Variants in CSMD2 observed in about 807,000 individuals in gnomAD.
CSMD2 encodes the protein CUB and Sushi multiple domains 2.
CSMD2 carries 130 observed loss-of-function variants against 398.5 expected under a neutral mutation model. The ratio of observed to expected loss-of-function variants is 0.33; its 90% confidence interval spans 0.28 to 0.38. The LOEUF is 0.38. CSMD2 is among the 10% of genes least tolerant of loss of function. CSMD2 has a pLI of 1.00. For synonymous variants in CSMD2, 1,828 were observed against 1,908.5 expected (o/e 0.96, Z 1.10); for missense variants, 3,829 against 4,764.9 (o/e 0.80, Z 5.78).
intron 4 of CSMD2, among the ~76,000 whole-genome samples, chr1:33,928,032 A>G (rs112968236): frequency 0.016 from 2,449 of 152,298 alleles, 63 homozygotes; most frequent in African/African-American, 0.055. Context: ...GGAGCCATGC[A>G]GGGGATGCCT....
intron 13 of CSMD2, among the ~76,000 whole-genome samples, chr1:33,758,907 C>T (rs116152953): frequency 7.1e-4 from 108 of 152,280 alleles, no homozygotes; most frequent in African/African-American, 2.4e-3. Flanking sequence ...CAGCCTGTGT[C>T]CCAGAACGAG....
At chr1:34,023,477 T>C (rs1434121063) in intron 3 of CSMD2, among the ~76,000 whole-genome samples, 1 of 152,162 alleles carries the variant, frequency 6.6e-6, no homozygotes, top group African/African-American at 2.4e-5. Context: ...GGTCAGGAGA[T>C]GCAAGCAATA....
chr1:33,895,940 C>CTCCT (rs1642358138), intron 5 of CSMD2, among the ~76,000 whole-genome samples: 2 of 152,250 alleles, frequency 1.3e-5, no homozygotes, highest in South Asian at 4.2e-4. Context: ...TTGACCCAGT[C>CTCCT]CCTGATGAGA....
At chr1:34,113,308 A>T (rs1481459405) in intron 1 of CSMD2, among the ~76,000 whole-genome samples, 3 of 152,220 alleles carry the variant, frequency 2.0e-5, no homozygotes, top group Non-Finnish European at 1.5e-5. Flanking sequence ...GGTGTCACAC[A>T]TGGGTGGCAG....
At chr1:34,098,157 A>T (rs375106524) in intron 1 of CSMD2, among the ~76,000 whole-genome samples, 1 of 125,668 alleles carries the variant, frequency 8.0e-6, no homozygotes, top group Non-Finnish European at 1.6e-5. Flanking sequence ...GTAAACTATC[A>T]CAAGAACAAA....
chr1:33,625,661 G>A (rs931299390), intron 33 of CSMD2, among the ~76,000 whole-genome samples: 5 of 152,100 alleles, frequency 3.3e-5, no homozygotes, highest in African/African-American at 1.2e-4. Context: ...CCTGCCTGGG[G>A]CCCTGCCCTC....
At chr1:33,985,352 C>T (rs934803575) in intron 3 of CSMD2, among the ~76,000 whole-genome samples, 1 of 152,184 alleles carries the variant, frequency 6.6e-6, no homozygotes, top group African/African-American at 2.4e-5. Context: ...GCCAGGCACA[C>T]TAATTAGTGG....
intron 8 of CSMD2, 46 bp downstream of exon 8, chr1:33,820,423 C>T: frequency 7.5e-7 from 1 of 1,341,748 alleles, no homozygotes; most frequent in Non-Finnish European, 1.1e-6. Context: ...CCCAGCCAGG[C>T]CACCCCACCC....
In CSMD2 at chr1:34,135,947, T is replaced by A. The variant is rs866953635; in HGVS notation, c.187+28964A>T. ...GGGCTTTTTTCACCATATGCTCTTC[T>A]ATGCCATTCGAATTTTTGCCCTGAG... is the stretch of plus-strand genomic sequence containing the variant. On this transcript the variant is annotated intron_variant, in intron 1 of 70. Transcript: ENST00000373381. 2.6e-5 allele frequency among the ~76,000 whole-genome samples: 4 copies of A among 152,158 alleles called. No individual in the cohort carries two copies. The South Asian group carries it at 8.3e-4, about 31-fold the overall frequency.
intron 45 of CSMD2, 94 bp downstream of exon 45, chr1:33,586,994 G>A (rs1234728924): frequency 2.2e-6 from 2 of 902,116 alleles, no homozygotes; most frequent in African/African-American, 3.3e-5. Context: ...CAGGAGCAGG[G>A]GATAAGGTCC....
intron 32 of CSMD2, among the ~76,000 whole-genome samples, chr1:33,629,027 T>A (rs555510387): frequency 6.6e-6 from 1 of 150,706 alleles, no homozygotes; most frequent in East Asian, 2.0e-4. Context: ...TTCTCATATA[T>A]GCATGGTACA....
Position 33,914,385 on chromosome 1 carries a change from AGTGTGT to A in CSMD2, c.920+3703_920+3708del, listed in dbSNP as rs72433922. 9.3e-5 allele frequency among the ~76,000 whole-genome samples: 13 copies of A among 139,804 alleles called. 1 individual carries two copies. The South Asian group carries it at 1.4e-3, about 15-fold the overall frequency. 91.7% of individuals were successfully genotyped at this position (139,804 alleles called of 152,430 possible). On this transcript the variant is annotated intron_variant, in intron 5 of 70. Coordinates refer to ENST00000373381, the MANE Select transcript of CSMD2 (RefSeq NM_001281956.2). ...AGGTATGTGTCAGAGACGATTTGGCAGTGTGTGTGTGTGTGTGTGTGTGTGTTTGTG... is the reference window on the plus strand; with the variant it reads ...AGGTATGTGTCAGAGACGATTTGGCAGTGTGTGTGTGTGTGTGTGTTTGTG...
At chr1:33,996,037 T>C (rs1646715769) in intron 3 of CSMD2, among the ~76,000 whole-genome samples, 1 of 152,150 alleles carries the variant, frequency 6.6e-6, no homozygotes, top group Non-Finnish European at 1.5e-5. Context: ...AAAGAACAAA[T>C]GTCCTAATAT....
At chr1:34,111,184 T>C (rs1290955188) in intron 1 of CSMD2, among the ~76,000 whole-genome samples, 4 of 152,220 alleles carry the variant, frequency 2.6e-5, no homozygotes, top group African/African-American at 9.6e-5. Context: ...TAATATTGGT[T>C]GAATGAATGA....
intron 2 of CSMD2, among the ~76,000 whole-genome samples, chr1:34,065,494 T>C (rs1655011861): frequency 1.3e-5 from 2 of 152,128 alleles, no homozygotes; most frequent in South Asian, 4.1e-4. Flanking sequence ...CCACCAGCCC[T>C]AAGCAGGGCC....
intron 1 of CSMD2, among the ~76,000 whole-genome samples, chr1:34,133,126 A>G (rs182769381): frequency 6.6e-6 from 1 of 152,328 alleles, no homozygotes; most frequent in East Asian, 1.9e-4. Context: ...CTGTCCTTGT[A>G]AAGTCTAGCA....
intron 3 of CSMD2, among the ~76,000 whole-genome samples, chr1:33,941,672 C>T (rs1459561046): frequency 6.6e-6 from 1 of 152,100 alleles, no homozygotes; most frequent in Non-Finnish European, 1.5e-5. Context: ...TTTACGACTC[C>T]CTTATTTTTA....
At chr1:33,582,566 C>T (rs1012661763) in intron 47 of CSMD2, among the ~76,000 whole-genome samples, 1 of 152,162 alleles carries the variant, frequency 6.6e-6, no homozygotes, top group Admixed American at 6.6e-5. Context: ...TACCGTTCTT[C>T]CCCCAAAAGA....
At chr1:33,948,480 C>T (rs1644906005) in intron 3 of CSMD2, among the ~76,000 whole-genome samples, 1 of 152,216 alleles carries the variant, frequency 6.6e-6, no homozygotes, top group Non-Finnish European at 1.5e-5. Flanking sequence ...TTCTCATACA[C>T]ATAAACATGC....
Sources: allele counts gnomAD v4.1 joint callset (sites outside exome capture counted in the v4.1 genomes callset), GRCh38; gene constraint gnomAD v4.1.1; transcripts MANE v1.5; gene names NCBI Gene and HGNC (gene_info 2026-07-23, HGNC 2026-07-21).